DHRSX: variants seen among roughly 807,000 people sequenced by gnomAD.
DHRSX encodes the protein dehydrogenase/reductase X-linked.
In DHRSX, 31 loss-of-function variants were observed where a neutral mutation model predicts 34.0. That is an observed-to-expected ratio of 0.91 (90% confidence interval 0.69 to 1.23). The LOEUF is 1.23. DHRSX is among the 50% of genes most tolerant of loss of function. The pLI, the probability that DHRSX is intolerant of heterozygous loss-of-function variation, is 0.00. For synonymous variants in DHRSX, 201 were observed against 183.8 expected (o/e 1.09, Z -0.76); for missense variants, 414 against 428.1 (o/e 0.97, Z 0.29).
chrX:2,416,856 T>C (rs2043700694), intron 2 of DHRSX, among the ~76,000 whole-genome samples: 2 of 143,480 alleles, frequency 1.4e-5, no homozygotes, highest in African/African-American at 5.3e-5. Flanking sequence ...ATTCTTTAAA[T>C]ATTAATAAAT....
Position 2,323,777 on chromosome X carries a change from C to T in DHRSX, c.287-32174G>A, listed in dbSNP as rs188890486. ...GAGTGAGATCCGGTCTCGAAAAAAT[C>T]ATCATTATCGTCACAGTAATGAGAG... is the stretch of plus-strand genomic sequence containing the variant. On this transcript the variant is annotated intron_variant, in intron 3 of 6. Coordinates refer to ENST00000334651, the MANE Select transcript of DHRSX (RefSeq NM_145177.3). 2.7e-5 allele frequency among the ~76,000 whole-genome samples: 4 copies of T among 145,668 alleles called. No homozygotes were observed. In the East Asian group the frequency reaches 8.4e-4, roughly 31 times the overall value.
intron 3 of DHRSX, among the ~76,000 whole-genome samples, chrX:2,340,975 G>A (rs1426945483): frequency 6.6e-6 from 1 of 152,098 alleles, no homozygotes; most frequent in Non-Finnish European, 1.5e-5. Context: ...ACCAAGAATG[G>A]ACAATATCAC....
chrX:2,284,014 C>T (rs1472280330), intron 4 of DHRSX, among the ~76,000 whole-genome samples: 1 of 151,676 alleles, frequency 6.6e-6, no homozygotes, highest in East Asian at 1.9e-4. Flanking sequence ...TCATTCATTC[C>T]TCTGAATTTA....
intron 1 of DHRSX, among the ~76,000 whole-genome samples, chrX:2,431,326 C>CAA (rs748686139): frequency 0.54 from 66,558 of 123,630 alleles, 17,064 homozygotes; most frequent in East Asian, 0.82. Context: ...CTCCATCTCA[C>CAA]AAAAAAAAAA....
At chrX:2,318,388 C>CA (rs1231017410) in intron 3 of DHRSX, among the ~76,000 whole-genome samples, 17 of 151,778 alleles carry the variant, frequency 1.1e-4, no homozygotes. Context: ...CAGATGAATG[C>CA]ACATGACCAC....
At chrX:2,242,769 T>C (rs1331674561) in intron 6 of DHRSX, among the ~76,000 whole-genome samples, 1 of 151,876 alleles carries the variant, frequency 6.6e-6, no homozygotes, top group Non-Finnish European at 1.5e-5. Flanking sequence ...AATCCCCCCC[T>C]CGTTTAGCAT....
intron 3 of DHRSX, among the ~76,000 whole-genome samples, chrX:2,345,317 G>A (rs753465172): frequency 6.6e-6 from 1 of 152,084 alleles, no homozygotes; most frequent in Non-Finnish European, 1.5e-5. Context: ...TTGGTGGGTA[G>A]GCCTGGTCTA....
Position 2,428,642 on chromosome X carries a change from G to T in DHRSX, c.110-3338C>A, listed in dbSNP as rs755898989. 4.7e-3 allele frequency among the ~76,000 whole-genome samples: 716 copies of T among 152,300 alleles called. 7 individuals are homozygous for T. Among genetic ancestry groups the T allele is most frequent in the African/African-American group, 0.016 (677 of 41,542 alleles). On this transcript the variant is annotated intron_variant, in intron 1 of 6. Coordinates refer to ENST00000334651, the MANE Select transcript of DHRSX (RefSeq NM_145177.3). ...TCAGGAGGTGAGGGACTAGGGGAGG[G>T]AGAGCATTAGGACAAACACCTAATG...
rs763940118 is a variant in DHRSX, at chrX:2,461,794, C to T, written c.110-36490G>A. ...AGCTCACTGCAGCCTCCAACTCCCA[C>T]GCTCAAGTGATCCTCCCACCTCTGC... On this transcript the variant is annotated intron_variant, in intron 1 of 6. Transcript: ENST00000334651. Among the ~76,000 whole-genome samples the T allele has an allele frequency of 5.3e-5, 8 of 152,158 alleles. No homozygotes were observed. The South Asian group carries it at 6.2e-4, about 12-fold the overall frequency.
chrX:2,335,450 G>GGT (rs111917194), intron 3 of DHRSX, among the ~76,000 whole-genome samples: 46,482 of 149,360 alleles, frequency 0.31, 9,724 homozygotes, highest in African/African-American at 0.6. Flanking sequence ...ATTTTTTTGG[G>GGT]GTGTGTGTGT....
At chrX:2,221,793 T>C (rs1202693416) in intron 6 of DHRSX, among the ~76,000 whole-genome samples, 1 of 152,166 alleles carries the variant, frequency 6.6e-6, no homozygotes, top group Non-Finnish European at 1.5e-5. Flanking sequence ...TTTACCCTAG[T>C]GGAAGGCGAT....
At chrX:2,339,069 T>G (rs1431351031) in intron 3 of DHRSX, among the ~76,000 whole-genome samples, 1 of 152,068 alleles carries the variant, frequency 6.6e-6, no homozygotes, top group Non-Finnish European at 1.5e-5. Flanking sequence ...TATACTCTTT[T>G]TGTGTGTTTT....
chrX:2,237,906 G>C (rs1446584109), intron 6 of DHRSX, among the ~76,000 whole-genome samples: 2 of 152,184 alleles, frequency 1.3e-5, no homozygotes, highest in East Asian at 1.9e-4. Flanking sequence ...TACATTGTAG[G>C]GGGTACTGAG....
intron 1 of DHRSX, chrX:2,486,437 C>T (rs2044931032): frequency 6.6e-6 from 1 of 152,204 alleles, no homozygotes; most frequent in South Asian, 2.1e-4. Context: ...GGAGCTAATG[C>T]ATTGCTCTGG....
At chrX:2,265,715 AGT>A (rs2041450222) in intron 5 of DHRSX, among the ~76,000 whole-genome samples, 1 of 144,140 alleles carries the variant, frequency 6.9e-6, no homozygotes, top group Non-Finnish European at 1.5e-5. Flanking sequence ...CCAGAGCACC[AGT>A]GTATAGCAGA....
chrX:2,436,936 G>A (rs1017098985), intron 1 of DHRSX, among the ~76,000 whole-genome samples: 36 of 151,942 alleles, frequency 2.4e-4, no homozygotes, highest in African/African-American at 2.2e-4. Flanking sequence ...AGACCCCACC[G>A]TCATCTCCTC....
chrX:2,225,226 T>A (rs2015625621), intron 6 of DHRSX, among the ~76,000 whole-genome samples: 1 of 143,316 alleles, frequency 7.0e-6, no homozygotes, highest in South Asian at 2.3e-4. Context: ...TGTACACACA[T>A]TCACATGCAG....
chrX:2,234,972 A>G (rs1415704216), intron 6 of DHRSX, among the ~76,000 whole-genome samples: 5 of 152,134 alleles, frequency 3.3e-5, no homozygotes, highest in African/African-American at 7.2e-5. Context: ...CAGCCTCCCA[A>G]AGTGCTGGGA....
Position 2,421,922 on chromosome X carries a change from C to T in DHRSX, c.217+3275G>A, listed in dbSNP as rs1337095965. 4.6e-5 allele frequency among the ~76,000 whole-genome samples: 7 copies of T among 152,132 alleles called. No individual in the cohort carries two copies. In the East Asian group the frequency reaches 9.6e-4, roughly 21 times the overall value. On this transcript the variant is annotated intron_variant, in intron 2 of 6. Transcript: ENST00000334651. ...CCTTTTATCTGCATGTCAACTTCAT[C>T]GATTCGTAACATGATGACTTTTAGC...
Sources: allele counts gnomAD v4.1 joint callset (sites outside exome capture counted in the v4.1 genomes callset), GRCh38; gene constraint gnomAD v4.1.1; transcripts MANE v1.5; gene names NCBI Gene and HGNC (gene_info 2026-07-23, HGNC 2026-07-21).